Variants in SOX5 observed in about 807,000 individuals in gnomAD.
SOX5 encodes SRY-box transcription factor 5.
Under a neutral mutation model 92.0 loss-of-function variants are expected in SOX5, and 9 were observed. That is an observed-to-expected ratio of 0.10 (90% confidence interval 0.06 to 0.17). The LOEUF is 0.17. Among genes scored for constraint, SOX5 ranks in the 10% least tolerant of loss-of-function variants. The pLI is 1.00. For missense variants in SOX5, 642 were observed against 944.5 expected, an observed-to-expected ratio of 0.68 and a Z score of 4.20; for synonymous variants, 344 against 336.3, an observed-to-expected ratio of 1.02 and a Z score of -0.25.
intron 1 of SOX5, among the ~76,000 whole-genome samples, chr12:24,547,442 C>T (rs908013228): frequency 2.0e-5 from 3 of 151,972 alleles, no homozygotes; most frequent in Admixed American, 6.5e-5. Context: ...CCACCCGCCT[C>T]GGCCTCCCAA....
chr12:24,107,958 G>A (rs892889837), intron 4 of SOX5, among the ~76,000 whole-genome samples: 9 of 152,278 alleles, frequency 5.9e-5, no homozygotes, highest in African/African-American at 1.7e-4. Flanking sequence ...CTGCAAATAC[G>A]TGTGGCAGAG....
intron 4 of SOX5, among the ~76,000 whole-genome samples, chr12:24,138,417 T>G (rs1950290112): frequency 6.6e-6 from 1 of 152,252 alleles, no homozygotes; most frequent in African/African-American, 2.4e-5. Flanking sequence ...GGCCTGTCAA[T>G]CAGTATACCA....
intron 4 of SOX5, among the ~76,000 whole-genome samples, chr12:23,744,825 A>T (rs1035722623): frequency 6.6e-6 from 1 of 152,168 alleles, no homozygotes; most frequent in Non-Finnish European, 1.5e-5. Context: ...TTTAAAAGAC[A>T]GAAATTGCCT....
intron 4 of SOX5, among the ~76,000 whole-genome samples, chr12:24,030,053 G>T (rs185537795): frequency 5.9e-5 from 9 of 152,054 alleles, no homozygotes; most frequent in African/African-American, 2.2e-4. Context: ...TTGAAGCACA[G>T]AGGGTTAAGT....
chr12:24,059,296 T>C (rs184026992), intron 4 of SOX5, among the ~76,000 whole-genome samples: 117 of 152,198 alleles, frequency 7.7e-4, no homozygotes, highest in Non-Finnish European at 1.4e-3. Flanking sequence ...AAAATCTTTA[T>C]CTGAAAAGGA....
intron 1 of SOX5, among the ~76,000 whole-genome samples, chr12:24,440,265 C>T (rs927243292): frequency 5.3e-5 from 8 of 152,190 alleles, no homozygotes; most frequent in African/African-American, 1.2e-4. Flanking sequence ...GAGGAACCCC[C>T]TCAACTTCTA....
intron 1 of SOX5, among the ~76,000 whole-genome samples, chr12:24,553,480 T>C (rs530938073): frequency 1.3e-3 from 205 of 152,336 alleles, no homozygotes; most frequent in African/African-American, 4.4e-3. Flanking sequence ...GAAACTCATC[T>C]TGCAAACTAT....
intron 1 of SOX5, among the ~76,000 whole-genome samples, chr12:24,404,983 T>A (rs1361602347): frequency 6.6e-6 from 1 of 151,888 alleles, no homozygotes; most frequent in Non-Finnish European, 1.5e-5. Flanking sequence ...TATAAAGAGC[T>A]ACAGAAAGAA....
chr12:24,103,186 T>C (rs1332535980), intron 4 of SOX5, among the ~76,000 whole-genome samples: 9 of 152,322 alleles, frequency 5.9e-5, no homozygotes, highest in African/African-American at 2.2e-4. Flanking sequence ...GAGGTTCATA[T>C]ACAAGGAACA....
intron 1 of SOX5, among the ~76,000 whole-genome samples, chr12:24,537,519 A>G (rs1227992223): frequency 6.6e-6 from 1 of 152,204 alleles, no homozygotes; most frequent in Non-Finnish European, 1.5e-5. Context: ...AGTATATAAC[A>G]TTTTAACATC....
intron 2 of SOX5, among the ~76,000 whole-genome samples, chr12:24,338,271 T>C (rs1424680854): frequency 6.6e-6 from 1 of 152,182 alleles, no homozygotes; most frequent in East Asian, 1.9e-4. Flanking sequence ...CATTTTATAA[T>C]ACAAGTTATT....
chr12:24,158,006 T>C (rs1952370294), intron 4 of SOX5, among the ~76,000 whole-genome samples: 2 of 152,052 alleles, frequency 1.3e-5, no homozygotes, highest in Admixed American at 6.6e-5. Context: ...CTTTTGTTCC[T>C]TTAAAAGGAG....
In SOX5 at chr12:23,662,890, A is replaced by G. The variant is rs181489045; in HGVS notation, c.931+2554T>C. On this transcript the variant is annotated intron_variant, in intron 7 of 14. Coordinates refer to ENST00000451604, the MANE Select transcript of SOX5 (RefSeq NM_006940.6). ...AGTATATCTTTCATATTTGCTTAAA[A>G]TTGAAGTCAAGATGGGTTGGTCAGT... Among the ~76,000 whole-genome samples, 789 of 152,328 alleles carry G rather than the reference A, an allele frequency of 5.2e-3. 4 individuals carry two copies. Among genetic ancestry groups the G allele is most frequent in the Non-Finnish European group, 7.7e-3 (527 of 68,030 alleles).
At chr12:24,044,675 A>T (rs766295372) in intron 4 of SOX5, among the ~76,000 whole-genome samples, 2 of 152,188 alleles carry the variant, frequency 1.3e-5, no homozygotes, top group Non-Finnish European at 2.9e-5. Context: ...TGTCTTTGAG[A>T]ATGTCACTGT....
At chr12:24,115,258 A>G (rs1947863779) in intron 4 of SOX5, among the ~76,000 whole-genome samples, 1 of 152,236 alleles carries the variant, frequency 6.6e-6, no homozygotes, top group Non-Finnish European at 1.5e-5. Flanking sequence ...AAAAGAAACA[A>G]AATACCGATT....
intron 1 of SOX5, among the ~76,000 whole-genome samples, chr12:24,479,473 A>G (rs1019468738): frequency 6.6e-6 from 1 of 152,226 alleles, no homozygotes; most frequent in Non-Finnish European, 1.5e-5. Context: ...GCAATTGAGG[A>G]AAATGAGCTA....
chr12:23,943,085 A>T (rs2139606616), intron 1 of SOX5, among the ~76,000 whole-genome samples: 1 of 152,130 alleles, frequency 6.6e-6, no homozygotes, highest in Middle Eastern at 3.4e-3. Context: ...GAAGTACGAG[A>T]AATCTCCATA....
At chr12:24,399,270 T>C (rs76258923) in intron 1 of SOX5, among the ~76,000 whole-genome samples, 1 of 152,154 alleles carries the variant, frequency 6.6e-6, no homozygotes, top group Non-Finnish European at 1.5e-5. Flanking sequence ...AAAGGACCCA[T>C]AGGAGTGAAG....
intron 1 of SOX5, among the ~76,000 whole-genome samples, chr12:24,380,382 T>C (rs879307132): frequency 1.6e-4 from 25 of 152,346 alleles, no homozygotes; most frequent in Admixed American, 6.5e-5. Context: ...TTTAAAGAGG[T>C]GTGACCTCAT....
Sources: gnomAD v4.1 joint callset for allele counts (sites outside exome capture counted in the v4.1 genomes callset) on GRCh38, gnomAD v4.1.1 for gene constraint, MANE v1.5 for transcripts, NCBI Gene and HGNC (gene_info 2026-07-23, HGNC 2026-07-21) for gene names.